Variants in MSRA observed in about 807,000 individuals in gnomAD.
MSRA encodes methionine sulfoxide reductase A.
In MSRA, 54 loss-of-function variants were observed where a neutral mutation model predicts 31.3. The ratio of observed to expected loss-of-function variants is 1.73; its 90% confidence interval spans 1.39 to 2.17. MSRA has a LOEUF of 2.17. Among genes scored for constraint, MSRA ranks in the 30% most tolerant of loss-of-function variants. The pLI is 0.00. For missense variants in MSRA, 507 were observed against 300.9 expected (o/e 1.69, Z -5.07); for synonymous variants, 169 against 116.5 (o/e 1.45, Z -2.90).
chr8:10,416,437 T>C (rs1585731139), intron 5 of MSRA, among the ~76,000 whole-genome samples: 1 of 152,322 alleles, frequency 6.6e-6, no homozygotes, highest in East Asian at 1.9e-4. Context: ...GCCGTGGTGC[T>C]CCCAGCGTGG....
intron 1 of MSRA, among the ~76,000 whole-genome samples, chr8:10,108,211 G>T (rs1345904484): frequency 6.6e-6 from 1 of 152,188 alleles, no homozygotes; most frequent in African/African-American, 2.4e-5. Flanking sequence ...TTAAGTCTCT[G>T]TTGCAAACAT....
intron 3 of MSRA, among the ~76,000 whole-genome samples, chr8:10,245,674 G>A (rs968634394): frequency 6.6e-6 from 1 of 152,214 alleles, no homozygotes; most frequent in Non-Finnish European, 1.5e-5. Flanking sequence ...GCCAGGTGGG[G>A]TAATGGGGAT....
intron 2 of MSRA, among the ~76,000 whole-genome samples, chr8:10,237,958 T>G (rs1483373508): frequency 6.6e-6 from 1 of 152,050 alleles, no homozygotes; most frequent in Non-Finnish European, 1.5e-5. Context: ...AGAGTGATTT[T>G]GTAAAACATA....
chr8:10,336,028 C>T (rs1238842516), intron 5 of MSRA, among the ~76,000 whole-genome samples: 2 of 152,058 alleles, frequency 1.3e-5, no homozygotes, highest in East Asian at 1.9e-4. Context: ...ACATGTCACA[C>T]CCTCACAGAT....
intron 5 of MSRA, among the ~76,000 whole-genome samples, chr8:10,394,642 G>A (rs1563430759): frequency 6.6e-6 from 1 of 152,252 alleles, no homozygotes. Context: ...AGTCACAGCT[G>A]CTGAGAGAAG....
At chr8:10,220,399 A>G (rs994866738) in intron 2 of MSRA, among the ~76,000 whole-genome samples, 1 of 152,332 alleles carries the variant, frequency 6.6e-6, no homozygotes, top group South Asian at 2.1e-4. Flanking sequence ...ATCATGGTAG[A>G]CATTACCATG....
intron 2 of MSRA, among the ~76,000 whole-genome samples, chr8:10,224,999 G>T (rs996927919): frequency 6.6e-6 from 1 of 152,162 alleles, no homozygotes; most frequent in African/African-American, 2.4e-5. Context: ...TAAGCTGGCC[G>T]TGGTGGCGCA....
chr8:10,296,244 T>C (rs1800535022), intron 3 of MSRA, among the ~76,000 whole-genome samples: 1 of 152,172 alleles, frequency 6.6e-6, no homozygotes, highest in African/African-American at 2.4e-5. Context: ...CTTACAGAGA[T>C]AAAATTCAGT....
chr8:10,223,278 C>T (rs1309241521), intron 2 of MSRA, among the ~76,000 whole-genome samples: 1 of 152,128 alleles, frequency 6.6e-6, no homozygotes, highest in African/African-American at 2.4e-5. Context: ...AAATGGGTCA[C>T]TTCATGAGAG....
chr8:10,414,487 T>C (rs1359561793), intron 5 of MSRA, among the ~76,000 whole-genome samples: 1 of 152,238 alleles, frequency 6.6e-6, no homozygotes, highest in Non-Finnish European at 1.5e-5. Context: ...TTCTGCATCC[T>C]GAGACACCCC....
chr8:10,223,868 G>T (rs768473061), intron 2 of MSRA, among the ~76,000 whole-genome samples: 27 of 152,272 alleles, frequency 1.8e-4, no homozygotes, highest in South Asian at 1.5e-3. Context: ...GACCGCCCCT[G>T]TTTCATTTCC....
chr8:10,121,732 A>G (rs1446063392), intron 1 of MSRA, among the ~76,000 whole-genome samples: 1 of 151,496 alleles, frequency 6.6e-6, no homozygotes, highest in African/African-American at 2.4e-5. Flanking sequence ...ATGCAGCGGT[A>G]TGATCATAGC....
intron 5 of MSRA, among the ~76,000 whole-genome samples, chr8:10,367,736 G>A (rs1410914049): frequency 6.6e-6 from 1 of 152,216 alleles, no homozygotes; most frequent in East Asian, 1.9e-4. Context: ...TCCGGCGCTG[G>A]CTGGACCCCA....
rs566942015 is a variant in MSRA, at chr8:10,247,982, A to G, written c.331+2759A>G. 4.9e-4 allele frequency among the ~76,000 whole-genome samples: 74 copies of G among 152,302 alleles called. No individual in the cohort carries two copies. The South Asian group carries it at 0.015, about 31-fold the overall frequency. ...GACCAAGGAGAGGGGTGGGGGAGAC[A>G]TAAAGCAGGTTACACTGGCGGGCCT... On this transcript the variant is annotated intron_variant, in intron 3 of 5. Coordinates refer to ENST00000317173, the MANE Select transcript of MSRA (RefSeq NM_012331.5).
intron 1 of MSRA, among the ~76,000 whole-genome samples, chr8:10,171,331 C>G (rs767215324): frequency 1.3e-5 from 2 of 150,196 alleles, no homozygotes; most frequent in African/African-American, 4.9e-5. Flanking sequence ...AGTGACAGAC[C>G]TGACATTTTA....
At chr8:10,288,881 A>G (rs1240882454) in intron 3 of MSRA, among the ~76,000 whole-genome samples, 1 of 152,104 alleles carries the variant, frequency 6.6e-6, no homozygotes, top group East Asian at 1.9e-4. Flanking sequence ...TGAATAGGCA[A>G]TTTTCATTGT....
intron 4 of MSRA, among the ~76,000 whole-genome samples, chr8:10,308,615 G>A (rs1375900008): frequency 6.6e-6 from 1 of 152,242 alleles, no homozygotes; most frequent in Non-Finnish European, 1.5e-5. Context: ...TGTGGCCTGG[G>A]ATTACCTGAT....
At chr8:10,352,923 C>T (rs989739461) in intron 5 of MSRA, among the ~76,000 whole-genome samples, 1 of 152,074 alleles carries the variant, frequency 6.6e-6, no homozygotes. Context: ...TGCTGCCCAG[C>T]TGATGAGCCC....
chr8:10,364,367 T>G (rs1198980379), intron 5 of MSRA, among the ~76,000 whole-genome samples: 1 of 151,936 alleles, frequency 6.6e-6, no homozygotes, highest in African/African-American at 2.4e-5. Context: ...ACTGCAAGAG[T>G]AGATTGGGAG....
Sources: allele counts gnomAD v4.1 joint callset (sites outside exome capture counted in the v4.1 genomes callset), GRCh38; gene constraint gnomAD v4.1.1; transcripts MANE v1.5; gene names NCBI Gene and HGNC (gene_info 2026-07-23, HGNC 2026-07-21).